The following TLCD4 variants were observed in gnomAD, a reference collection of about 807,000 sequenced individuals.
The protein encoded by TLCD4 is TLC domain-containing protein 4.
TLCD4 carries 7 observed loss-of-function variants against 24.2 expected under a neutral mutation model. That is an observed-to-expected ratio of 0.29 (90% confidence interval 0.16 to 0.54). The LOEUF is 0.54. TLCD4 is among the 20% of genes least tolerant of loss of function. The pLI, the probability that TLCD4 is intolerant of heterozygous loss-of-function variation, is 0.95. For missense variants in TLCD4, 259 were observed against 313.9 expected (o/e 0.82, Z 1.32); for synonymous variants, 103 against 106.4 (o/e 0.97, Z 0.20).
chr1:95,111,432 C>G, the TLCD4 span, among the ~76,000 whole-genome samples: 4 of 152,080 alleles, frequency 2.6e-5, no homozygotes, highest in Non-Finnish European at 5.9e-5. Context: ...AAAAATAAGC[C>G]TCTCCTGTTT....
chr1:95,092,711 G>A, the TLCD4 span, among the ~76,000 whole-genome samples: 13 of 151,758 alleles, frequency 8.6e-5, no homozygotes, highest in African/African-American at 2.7e-4. Flanking sequence ...CTCCAGACGC[G>A]CCACCTTAAG....
chr1:95,165,933 T>C (rs1052864884), intron 5 of TLCD4, among the ~76,000 whole-genome samples: 1 of 152,196 alleles, frequency 6.6e-6, no homozygotes, highest in African/African-American at 2.4e-5. Flanking sequence ...CTGAAAAGGG[T>C]TGGCTAGAAG....
At chr1:95,137,305 A>G (rs1193573136) in intron 1 of TLCD4, among the ~76,000 whole-genome samples, 1 of 152,208 alleles carries the variant, frequency 6.6e-6, no homozygotes, top group African/African-American at 2.4e-5. Context: ...AATGCTAAGC[A>G]TAATTGGGGC....
chr1:95,154,778 G>C (rs564157954), intron 5 of TLCD4, among the ~76,000 whole-genome samples: 3 of 151,028 alleles, frequency 2.0e-5, no homozygotes, highest in Non-Finnish European at 3.0e-5. Flanking sequence ...AATAGATTTT[G>C]TTTCCAAACC....
rs1679047915 is a variant in TLCD4, at chr1:95,192,139, T to G, written c.*271T>G. 3 of 451,596 alleles carry G rather than the reference T, an allele frequency of 6.6e-6. No homozygotes were observed. The South Asian group carries it at 1.3e-4, about 20-fold the overall frequency. 28.0% of individuals were successfully genotyped at this position (451,596 alleles called of 1,614,324 possible). On this transcript the variant is annotated 3_prime_UTR_variant, in exon 7 of 7. Transcript: ENST00000370203. ...GGTGAAACCTCATCTCTACTAAAAA[T>G]ACAAAAAAAAGTAGCTGGGCGTGGT...
At chr1:95,185,689 C>T (rs1441728191) in intron 6 of TLCD4, among the ~76,000 whole-genome samples, 1 of 152,112 alleles carries the variant, frequency 6.6e-6, no homozygotes, top group Non-Finnish European at 1.5e-5. Context: ...ATTTTCTTTT[C>T]TCTAGAAAAT....
At chr1:95,123,327 A>G (rs969044836) in intron 1 of TLCD4, among the ~76,000 whole-genome samples, 1 of 152,188 alleles carries the variant, frequency 6.6e-6, no homozygotes, top group Admixed American at 6.5e-5. Flanking sequence ...TACATGCCCT[A>G]TGGAAAAGTG....
upstream of TLCD4, among the ~76,000 whole-genome samples, chr1:95,115,425 A>G (rs915927184): frequency 2.6e-5 from 4 of 152,160 alleles, no homozygotes; most frequent in African/African-American, 9.7e-5. Flanking sequence ...GGATATTTTT[A>G]AAGAGATTAA....
chr1:95,174,180 C>T lies in TLCD4; in HGVS notation c.473+291C>T, dbSNP rs1165853134. 7.6e-6 allele frequency: 3 copies of T among 395,848 alleles called. No homozygotes were observed. The Admixed American group carries it at 1.3e-4, about 17-fold the overall frequency. The allele number at this position is 395,848 out of a possible 1,614,324, so 24.5% of individuals were successfully genotyped here. ...TCATTCTTTCACCCTCCACGTTGTACACTGCAAGATGAATGGTATTCACTG... is the reference window on the plus strand; with the variant it reads ...TCATTCTTTCACCCTCCACGTTGTATACTGCAAGATGAATGGTATTCACTG... On this transcript the variant is annotated intron_variant, in intron 6 of 6. Transcript: ENST00000370203.
At chr1:95,177,935 C>CT (rs200257933) in intron 6 of TLCD4, among the ~76,000 whole-genome samples, 1,849 of 130,012 alleles carry the variant, frequency 0.014, 15 homozygotes, top group Middle Eastern at 0.045. Flanking sequence ...TTTTTCTTTT[C>CT]TTTTTTTTTT....
At chr1:95,184,706 C>T (rs1384343773) in intron 6 of TLCD4, among the ~76,000 whole-genome samples, 2 of 152,212 alleles carry the variant, frequency 1.3e-5, no homozygotes, top group African/African-American at 4.8e-5. Context: ...CCTTCCTTCC[C>T]ACATGCATGT....
intron 1 of TLCD4, among the ~76,000 whole-genome samples, chr1:95,142,833 C>T (rs1216086045): frequency 3.3e-5 from 5 of 152,010 alleles, no homozygotes; most frequent in African/African-American, 9.7e-5. Flanking sequence ...GCCTGTAATC[C>T]CAGCCGCTCG....
intron 5 of TLCD4, among the ~76,000 whole-genome samples, chr1:95,171,190 G>A (rs968760373): frequency 2.6e-5 from 4 of 152,094 alleles, no homozygotes; most frequent in Non-Finnish European, 4.4e-5. Context: ...AGGCTCAAGT[G>A]ATCCTCTTGC....
chr1:95,160,712 A>C (rs1455557891), intron 5 of TLCD4, among the ~76,000 whole-genome samples: 1 of 152,182 alleles, frequency 6.6e-6, no homozygotes, highest in Non-Finnish European at 1.5e-5. Context: ...TTTCGCATGA[A>C]GGCTGTTGAA....
chr1:95,175,201 G>A (rs1016766498), intron 6 of TLCD4, among the ~76,000 whole-genome samples: 2 of 151,954 alleles, frequency 1.3e-5, no homozygotes, highest in African/African-American at 2.4e-5. Context: ...CACTAATTTC[G>A]CTCTCCTGCA....
At chr1:95,122,325 C>T (rs998654516) in intron 1 of TLCD4, among the ~76,000 whole-genome samples, 9 of 152,188 alleles carry the variant, frequency 5.9e-5, no homozygotes, top group Admixed American at 5.2e-4. Context: ...TGTCACTGCA[C>T]TCCAGCCTGG....
intron 6 of TLCD4, among the ~76,000 whole-genome samples, chr1:95,180,856 A>T (rs943660190): frequency 6.6e-4 from 101 of 152,320 alleles, no homozygotes; most frequent in African/African-American, 2.4e-3. Context: ...GGAGCTTTAG[A>T]TATAGCGTCT....
chr1:95,098,496 T>C, the TLCD4 span, among the ~76,000 whole-genome samples: 1 of 152,196 alleles, frequency 6.6e-6, no homozygotes, highest in Non-Finnish European at 1.5e-5. Flanking sequence ...CATGCCCAGC[T>C]CCTCTGTGCT....
chr1:95,196,564 C>T lies in TLCD4; in HGVS notation c.*4696C>T, dbSNP rs765690326. ...AGCAGTGAAGAATTGAAAGCAGCTC[C>T]TAAAGATTGGTTTGTTTGCTTTGAA... On this transcript the variant is annotated 3_prime_UTR_variant, in exon 7 of 7. Transcript: ENST00000370203. 7 of 152,134 alleles carry T rather than the reference C, an allele frequency of 4.6e-5. No homozygotes were observed. Among genetic ancestry groups the T allele is most frequent in the Non-Finnish European group, 8.8e-5 (6 of 68,006 alleles). 9.4% of individuals were successfully genotyped at this position (152,134 alleles called of 1,614,324 possible). A position where few individuals can be genotyped will look rare whatever the true frequency, so the allele number is the denominator to read the frequency against.
Sources: allele counts gnomAD v4.1 joint callset (sites outside exome capture counted in the v4.1 genomes callset), GRCh38; gene constraint gnomAD v4.1.1; transcripts MANE v1.5; gene names NCBI Gene and HGNC (gene_info 2026-07-23, HGNC 2026-07-21).